Variants in GRAMD1A observed in about 807,000 individuals in gnomAD.
GRAMD1A encodes GRAM domain containing 1A, also known as protein Aster-A.
A neutral mutation model predicts 92.0 loss-of-function variants in GRAMD1A; 50 were observed. The ratio of observed to expected loss-of-function variants is 0.54; its 90% CI spans 0.43 to 0.69. The LOEUF (loss-of-function observed/expected upper bound fraction) is 0.69. Among genes scored for constraint, GRAMD1A ranks in the 30% least tolerant of loss-of-function variants. GRAMD1A has a pLI of 0.00. For missense variants in GRAMD1A, 819 were observed against 978.9 expected (o/e 0.84, Z 2.18); for synonymous variants, 405 against 403.6 (o/e 1.00, Z -0.04).
rs2014601152 is a variant in GRAMD1A, at chr19:35,003,858, C to T, written c.8+3372C>T. On this transcript the variant is annotated intron_variant, in intron 1 of 19. Transcript: ENST00000317991. ...ATGTTCTCCACCTGGAGTCTTCTCC[C>T]AGCCTTTGCCACATGTGTTCTTTGT... Among the ~76,000 whole-genome samples the T allele has an allele frequency of 1.3e-5, 2 of 152,236 alleles. 1 individual carries two copies. Among genetic ancestry groups the T allele is most frequent in the South Asian group, 4.1e-4 (2 of 4,836 alleles).
chr19:35,012,442 C>A (rs550983181), intron 7 of GRAMD1A, among the ~76,000 whole-genome samples: 3 of 152,254 alleles, frequency 2.0e-5, no homozygotes, highest in Non-Finnish European at 4.4e-5. Flanking sequence ...CTGCTATCAT[C>A]ACTTACTGTT....
At chr19:35,012,395 G>C (rs565417237) in intron 7 of GRAMD1A, among the ~76,000 whole-genome samples, 1 of 152,376 alleles carries the variant, frequency 6.6e-6, no homozygotes, top group East Asian at 1.9e-4. Context: ...AAAGTGGTTA[G>C]AAGAATGCAC....
chr19:35,014,156 G>A (rs1461410371), intron 9 of GRAMD1A, 33 bp from the exon 10 acceptor site: 3 of 1,594,324 alleles, frequency 1.9e-6, no homozygotes, highest in Non-Finnish European at 2.6e-6. Context: ...TGGGATGGAG[G>A]TGGCCAAGGC....
intron 19 of GRAMD1A, among the ~76,000 whole-genome samples, chr19:35,024,128 A>G (rs983738908): frequency 6.6e-6 from 1 of 152,220 alleles, no homozygotes; most frequent in Non-Finnish European, 1.5e-5. Context: ...ATGTCTACTC[A>G]GACAACCAGG....
intron 1 of GRAMD1A, among the ~76,000 whole-genome samples, chr19:35,005,430 A>G (rs1437931916): frequency 1.3e-5 from 2 of 151,856 alleles, no homozygotes. Flanking sequence ...GGGCATTTTG[A>G]GCAGAGGCAC....
chr19:35,000,537 C>A lies in GRAMD1A; in HGVS notation c.8+51C>A. On this transcript the variant is annotated intron_variant, in intron 1 of 19. Coordinates refer to ENST00000317991, the MANE Select transcript of GRAMD1A (RefSeq NM_020895.5). This position sits in a 1 kb window ranked among gnomAD's most constrained non-coding sequence, Gnocchi z 4.9. ...GGGACCGGGCGCGCGGGGGAGGCCA[C>A]CGGAGGGAGGGGGCGCCGCGGGCTT... 1 of 1,234,994 alleles carries A rather than the reference C, an allele frequency of 8.1e-7. No individual in the cohort carries two copies. The highest frequency in any genetic ancestry group is 1.0e-6 in the Non-Finnish European group (1 of 980,876). 76.5% of individuals were successfully genotyped at this position (1,234,994 alleles called of 1,614,324 possible).
chr19:35,019,957 A>G (rs60161754), intron 13 of GRAMD1A, among the ~76,000 whole-genome samples: 55,919 of 152,044 alleles, frequency 0.37, 10,485 homozygotes, highest in Middle Eastern at 0.48. Flanking sequence ...GGAAGGGCCT[A>G]CTGGGAAAGA....
rs558498117 is a variant in GRAMD1A, at chr19:35,000,801, T to C, written c.8+315T>C. Among the ~76,000 whole-genome samples the C allele has an allele frequency of 6.6e-6, 1 of 152,168 alleles. No homozygotes were observed. Among genetic ancestry groups the C allele is most frequent in the South Asian group, 2.1e-4 (1 of 4,828 alleles). ...ATCTGGCGGGGAGGGCCCTCAGGCC[T>C]GGCAACCCCCTGCCTGGTAAGCCAG... On this transcript the variant is annotated intron_variant, in intron 1 of 19. Transcript: ENST00000317991. The surrounding 1 kb of genome is among the most constrained non-coding windows in gnomAD (Gnocchi z 4.9).
At chr19:35,020,763 G>A (rs932566450) in intron 13 of GRAMD1A, among the ~76,000 whole-genome samples, 1 of 152,030 alleles carries the variant, frequency 6.6e-6, no homozygotes, top group Admixed American at 6.6e-5. Flanking sequence ...GAGCCAGGAG[G>A]GCGCTGACCT....
At chr19:35,020,420 C>T (rs2015963993) in intron 13 of GRAMD1A, among the ~76,000 whole-genome samples, 1 of 151,998 alleles carries the variant, frequency 6.6e-6, no homozygotes, top group African/African-American at 2.4e-5. Flanking sequence ...CGTCTGTAAT[C>T]CCTACTACTT....
intron 1 of GRAMD1A, among the ~76,000 whole-genome samples, chr19:35,006,126 G>A (rs571669920): frequency 1.3e-5 from 2 of 152,254 alleles, no homozygotes; most frequent in South Asian, 2.1e-4. Flanking sequence ...TCAGGAGTTC[G>A]AGACCAGCAA....
chr19:35,020,010 TGGGACAGCA>T (rs113607913), intron 13 of GRAMD1A, among the ~76,000 whole-genome samples: 5,408 of 152,122 alleles, frequency 0.036, 314 homozygotes, highest in African/African-American at 0.12. Context: ...GCAACTCATT[TGGGACAGCA>T]GGTGCAAAGG....
Position 35,000,410 on chromosome 19 carries a change from C to T in GRAMD1A, c.-69C>T. On this transcript the variant is annotated 5_prime_UTR_variant, in exon 1 of 20. Coordinates refer to ENST00000317991, the MANE Select transcript of GRAMD1A (RefSeq NM_020895.5). This position sits in a 1 kb window ranked among gnomAD's most constrained non-coding sequence, Gnocchi z 4.9. ...GCGGGGACGCCCAGCGCAGCCCAGC[C>T]CCGCGCAGCCCAGCCCTGCCCTGCC... The T allele has an allele frequency of 4.5e-6, 5 of 1,118,564 alleles. No individual in the cohort carries two copies. The highest frequency in any genetic ancestry group is 5.4e-6 in the Non-Finnish European group (5 of 925,356). The allele number at this position is 1,118,564 out of a possible 1,614,324, so 69.3% of individuals were successfully genotyped here.
At chr19:35,003,448 T>C (rs2014566063) in intron 1 of GRAMD1A, among the ~76,000 whole-genome samples, 1 of 152,126 alleles carries the variant, frequency 6.6e-6, no homozygotes, top group Non-Finnish European at 1.5e-5. Flanking sequence ...TGCCTTCAGC[T>C]ATCCTGGTTG....
At chr19:35,019,070 CAG>C in intron 11 of GRAMD1A, 119 bp from the exon 12 acceptor site, 1 of 697,818 alleles carries the variant, frequency 1.4e-6, no homozygotes, top group African/African-American at 1.8e-5. Flanking sequence ...GGTGGGGACA[CAG>C]AGGAGTGGTG....
At chr19:35,012,260 G>C (rs1353663210) in intron 7 of GRAMD1A, among the ~76,000 whole-genome samples, 1 of 152,230 alleles carries the variant, frequency 6.6e-6, no homozygotes, top group South Asian at 2.1e-4. Flanking sequence ...TCTCAGCACT[G>C]CTACTTCCTG....
intron 11 of GRAMD1A, among the ~76,000 whole-genome samples, chr19:35,017,048 A>AC (rs999095221): frequency 6.6e-6 from 1 of 151,364 alleles, no homozygotes; most frequent in Non-Finnish European, 1.5e-5. Context: ...GATGCTGCCC[A>AC]CCCGTAATCC....
chr19:34,996,014 A>C, upstream of GRAMD1A: 2 of 1,529,198 alleles, frequency 1.3e-6, no homozygotes, highest in Non-Finnish European at 1.8e-6. Context: ...GCTGTTCCAG[A>C]CCCTCTCCAT....
upstream of GRAMD1A, chr19:35,000,168 T>C: frequency 9.9e-7 from 1 of 1,008,316 alleles, no homozygotes; most frequent in Non-Finnish European, 1.2e-6. The surrounding 1 kb of genome is among the most constrained non-coding windows in gnomAD (Gnocchi z 4.9). Context: ...TTCCCTTCTC[T>C]GTCCAGTCCC....
Sources: gnomAD v4.1 joint callset for allele counts (sites outside exome capture counted in the v4.1 genomes callset) on GRCh38, gnomAD v4.1.1 for gene constraint, Gnocchi (gnomAD v3.1) non-coding constraint, MANE v1.5 for transcripts, NCBI Gene and HGNC (gene_info 2026-07-23, HGNC 2026-07-21) for gene names.